The following FHIT variants were observed in gnomAD, a reference collection of about 807,000 sequenced individuals.
FHIT encodes the protein bis(5'-adenosyl)-triphosphatase.
FHIT carries 19 observed loss-of-function variants against 17.9 expected under a neutral mutation model. The observed-to-expected ratio is 1.06, with a 90% CI of 0.74 to 1.56. The LOEUF is 1.56. FHIT is among the 40% of genes most tolerant of loss of function. The probability of loss-of-function intolerance (pLI) is 0.00; values close to 1 mark genes in which losing one functional copy is unlikely to be tolerated. For missense variants in FHIT, 248 were observed against 189.2 expected, an observed-to-expected ratio of 1.31 and a Z score of -1.82; for synonymous variants, 81 against 69.7, an observed-to-expected ratio of 1.16 and a Z score of -0.81.
At chr3:60,578,359 C>T (rs1394875003) in intron 4 of FHIT, among the ~76,000 whole-genome samples, 13 of 151,324 alleles carry the variant, frequency 8.6e-5, no homozygotes, top group African/African-American at 2.9e-4. Context: ...ATCACTTGAA[C>T]CTGGGAGGCA....
At chr3:60,488,801 A>G (rs1161817618) in intron 5 of FHIT, among the ~76,000 whole-genome samples, 3 of 152,208 alleles carry the variant, frequency 2.0e-5, no homozygotes, top group Non-Finnish European at 4.4e-5. Context: ...CAATAGATTG[A>G]GAGAAAGACC....
chr3:60,466,296 A>T (rs1474118498), intron 5 of FHIT, among the ~76,000 whole-genome samples: 1 of 151,936 alleles, frequency 6.6e-6, no homozygotes, highest in Non-Finnish European at 1.5e-5. Context: ...GAGTCTTTAG[A>T]TTTTTCCAAA....
chr3:59,782,718 C>A (rs1183906662), intron 8 of FHIT, among the ~76,000 whole-genome samples: 1 of 152,106 alleles, frequency 6.6e-6, no homozygotes, highest in African/African-American at 2.4e-5. Context: ...GGGGTGAGTA[C>A]ACAAGGAGAT....
intron 7 of FHIT, among the ~76,000 whole-genome samples, chr3:59,975,350 A>G (rs1708362606): frequency 6.6e-6 from 1 of 152,206 alleles, no homozygotes; most frequent in Non-Finnish European, 1.5e-5. Flanking sequence ...CCAAGTGGCT[A>G]CCTCTAAAAG....
At chr3:60,659,320 A>G (rs1375855459) in intron 4 of FHIT, among the ~76,000 whole-genome samples, 4 of 151,968 alleles carry the variant, frequency 2.6e-5, no homozygotes, top group Non-Finnish European at 5.9e-5. Flanking sequence ...TATGTCTTGC[A>G]TCAGATTTGG....
chr3:60,851,642 T>C (rs1420782088), intron 3 of FHIT, among the ~76,000 whole-genome samples: 1 of 152,172 alleles, frequency 6.6e-6, no homozygotes, highest in African/African-American at 2.4e-5. Flanking sequence ...ATCACTCATT[T>C]ATGTCATAAA....
At chr3:59,751,001 C>T (rs913484496) in intron 9 of FHIT, 1 of 183,656 alleles carries the variant, frequency 5.4e-6, no homozygotes, top group Admixed American at 6.3e-5. Flanking sequence ...GAAGAATTGC[C>T]TAATTTTAAT....
intron 4 of FHIT, among the ~76,000 whole-genome samples, chr3:60,659,778 C>A (rs1243013890): frequency 2.6e-5 from 4 of 152,034 alleles, no homozygotes; most frequent in Non-Finnish European, 4.4e-5. Flanking sequence ...CAGGGACAGA[C>A]CTCGTTGGTT....
intron 4 of FHIT, among the ~76,000 whole-genome samples, chr3:60,647,136 A>G (rs1553686953): frequency 6.6e-6 from 1 of 152,214 alleles, no homozygotes; most frequent in East Asian, 1.9e-4. Context: ...AATGAACACT[A>G]GGAAAACATA....
intron 1 of FHIT, among the ~76,000 whole-genome samples, chr3:61,235,835 G>A (rs916018737): frequency 3.3e-5 from 5 of 152,120 alleles, no homozygotes; most frequent in African/African-American, 1.2e-4. Flanking sequence ...ACTGGAAATT[G>A]ACTTCAGCAT....
At chr3:61,109,613 C>T (rs2036093956) in intron 2 of FHIT, among the ~76,000 whole-genome samples, 1 of 152,162 alleles carries the variant, frequency 6.6e-6, no homozygotes, top group Non-Finnish European at 1.5e-5. Context: ...CTTCTTCAGC[C>T]TCTTGAACCT....
rs376608983 is a variant in FHIT, at chr3:60,294,232, A to G, written c.103+242628T>C. ...AAACAGACCACGCAAAGCACATCTG[A>G]TGGAATAAGATAAATAACATAACAG... On this transcript the variant is annotated intron_variant, in intron 5 of 9. Coordinates refer to ENST00000492590, the MANE Select transcript of FHIT (RefSeq NM_002012.4). Among the ~76,000 whole-genome samples the G allele has an allele frequency of 3.3e-5, 5 of 152,166 alleles. No homozygotes were observed. In the East Asian group the frequency reaches 7.7e-4, roughly 23 times the overall value.
chr3:60,953,173 G>A (rs72873026), intron 3 of FHIT, among the ~76,000 whole-genome samples: 1,680 of 152,218 alleles, frequency 0.011, 27 homozygotes, highest in African/African-American at 0.038. Flanking sequence ...AACAAGTAAA[G>A]GATAATATAA....
At position 60,941,110 on chromosome 3, in the gene FHIT, A is replaced by T. The variant is rs566295241; in HGVS notation, c.-111+100937T>A. Among the ~76,000 whole-genome samples, 17 of 152,328 alleles carry T rather than the reference A, an allele frequency of 1.1e-4. No homozygotes were observed. In the South Asian group the frequency reaches 2.5e-3, roughly 22 times the overall value. On this transcript the variant is annotated intron_variant, in intron 3 of 9. Transcript: ENST00000492590. ...ATATAATGGAGATATTTAACTTTTTAAAAAAATTAAGTCATCAAAATCCAG... is the reference window on the plus strand; with the variant it reads ...ATATAATGGAGATATTTAACTTTTTTAAAAAATTAAGTCATCAAAATCCAG...
intron 8 of FHIT, among the ~76,000 whole-genome samples, chr3:59,883,651 G>T (rs563149691): frequency 6.6e-6 from 1 of 152,146 alleles, no homozygotes; most frequent in South Asian, 2.1e-4. Context: ...AACGTCTATT[G>T]TATCTTGTGG....
intron 3 of FHIT, among the ~76,000 whole-genome samples, chr3:60,927,274 T>G (rs1233383771): frequency 2.6e-5 from 4 of 152,370 alleles, no homozygotes; most frequent in Non-Finnish European, 4.4e-5. Context: ...GTGCCGGGAT[T>G]GCAGACAGAG....
chr3:60,402,873 C>T (rs2107195500), intron 5 of FHIT, among the ~76,000 whole-genome samples: 1 of 152,248 alleles, frequency 6.6e-6, no homozygotes, highest in East Asian at 1.9e-4. Flanking sequence ...AAAAGAATGC[C>T]TTAATAGCCC....
chr3:60,280,210 T>A (rs751846195), intron 5 of FHIT, among the ~76,000 whole-genome samples: 11 of 152,146 alleles, frequency 7.2e-5, no homozygotes, highest in Admixed American at 2.6e-4. Flanking sequence ...TAGGAATAGA[T>A]GAAACTTCGT....
At chr3:59,947,608 G>C (rs890533930) in intron 7 of FHIT, among the ~76,000 whole-genome samples, 6 of 152,164 alleles carry the variant, frequency 3.9e-5, no homozygotes, top group Admixed American at 3.9e-4. Context: ...AGGGGGCCAC[G>C]GCTTAGCTCA....
Sources: gnomAD v4.1 joint callset for allele counts (sites outside exome capture counted in the v4.1 genomes callset) on GRCh38, gnomAD v4.1.1 for gene constraint, MANE v1.5 for transcripts, NCBI Gene and HGNC (gene_info 2026-07-23, HGNC 2026-07-21) for gene names.